The following SKA3 variants were observed in gnomAD, a reference collection of about 807,000 sequenced individuals.
The protein encoded by SKA3 is spindle and kinetochore-associated protein 3.
A neutral mutation model predicts 44.2 loss-of-function variants in SKA3; 39 were observed. The observed-to-expected ratio is 0.88, with a 90% confidence interval of 0.68 to 1.15. SKA3 has a LOEUF of 1.15. Ranked by LOEUF, SKA3 falls within the 50% of genes most tolerant of loss-of-function variation. The probability of loss-of-function intolerance (pLI) is 0.00; values close to 1 mark genes in which losing one functional copy is unlikely to be tolerated. For missense variants in SKA3, 511 were observed against 485.8 expected, an observed-to-expected ratio of 1.05 and a Z score of -0.49; for synonymous variants, 192 against 172.0, an observed-to-expected ratio of 1.12 and a Z score of -0.91.
intron 1 of SKA3, among the ~76,000 whole-genome samples, chr13:21,174,541 T>C (rs1342441751): frequency 6.6e-6 from 1 of 150,386 alleles, no homozygotes; most frequent in Non-Finnish European, 1.5e-5. Context: ...TGAGAACACT[T>C]GGACACAGGA....
At chr13:21,169,180 T>C (rs1318625324) in intron 3 of SKA3, among the ~76,000 whole-genome samples, 1 of 151,848 alleles carries the variant, frequency 6.6e-6, no homozygotes, top group Non-Finnish European at 1.5e-5. Context: ...GAACAACTGT[T>C]CTGAGAAAAG....
At chr13:21,172,837 GTACCTTTTTT>G in intron 1 of SKA3, 156 bp from the exon 2 acceptor site, 1 of 334,334 alleles carries the variant, frequency 3.0e-6, no homozygotes. Flanking sequence ...ATTTTTTACC[GTACCTTTTTT>G]ATGTTTAGAT....
intron 5 of SKA3, among the ~76,000 whole-genome samples, chr13:21,161,293 A>G (rs1220372247): frequency 2.0e-5 from 3 of 152,100 alleles, no homozygotes; most frequent in East Asian, 3.9e-4. Context: ...CAAAAAAATC[A>G]TAAAACTCTA....
intron 4 of SKA3, among the ~76,000 whole-genome samples, chr13:21,162,353 A>G (rs535518325): frequency 6.7e-6 from 1 of 148,512 alleles, no homozygotes; most frequent in Admixed American, 6.8e-5. Context: ...GCTGTCTTTA[A>G]CATCTTGTGT....
intron 7 of SKA3, among the ~76,000 whole-genome samples, chr13:21,156,232 G>A (rs1870115720): frequency 6.6e-6 from 1 of 150,438 alleles, no homozygotes; most frequent in Admixed American, 6.6e-5. Flanking sequence ...AAAAGATGGA[G>A]ATATTAGAAA....
chr13:21,170,017 G>A (rs1238111225), intron 3 of SKA3, among the ~76,000 whole-genome samples: 1 of 152,114 alleles, frequency 6.6e-6, no homozygotes, highest in Non-Finnish European at 1.5e-5. Context: ...TATTATTTTA[G>A]ATTCGTAACT....
At chr13:21,158,920 T>C (rs1035928534) in intron 6 of SKA3, among the ~76,000 whole-genome samples, 7 of 152,260 alleles carry the variant, frequency 4.6e-5, no homozygotes, top group Middle Eastern at 3.4e-3. Context: ...GTAGGGTACC[T>C]TCCACGTGAA....
chr13:21,167,763 T>C (rs1870791672), intron 4 of SKA3, among the ~76,000 whole-genome samples: 1 of 142,928 alleles, frequency 7.0e-6, no homozygotes, highest in Admixed American at 7.1e-5. Context: ...CAAGCCTCCG[T>C]CTCGAAAAAA....
At position 21,164,289 on chromosome 13, in the gene SKA3, T is replaced by C. The variant is rs1190269362; in HGVS notation, c.744-2414A>G. ...GATTAAATCTATCCATATTCTTTAG[T>C]ATGATTTCTAGCTTTGATGTCATGC... On this transcript the variant is annotated intron_variant, in intron 4 of 8. Coordinates refer to ENST00000314759, the MANE Select transcript of SKA3 (RefSeq NM_145061.6). 3.3e-5 allele frequency among the ~76,000 whole-genome samples: 5 copies of C among 152,238 alleles called. No individual in the cohort carries two copies. The East Asian group carries it at 7.7e-4, about 23-fold the overall frequency.
Position 21,154,884 on chromosome 13 carries a change from TTGA to T in SKA3, c.*263_*265del, listed in dbSNP as rs1222550640. 3.5e-6 allele frequency: 2 copies of T among 574,868 alleles called. No individual in the cohort carries two copies. The highest frequency in any genetic ancestry group is 3.4e-5 in the Admixed American group (1 of 29,806). 35.6% of individuals were successfully genotyped at this position (574,868 alleles called of 1,614,324 possible). On this transcript the variant is annotated 3_prime_UTR_variant, in exon 9 of 9. Transcript: ENST00000314759. ...TCCTGGTACTACTTAAACCATTCTG[TTGA>T]TTAAGCTGGGTAATTTAGTATCAAT...
intron 1 of SKA3, among the ~76,000 whole-genome samples, chr13:21,174,620 T>C (rs142091713): frequency 3.6e-4 from 55 of 152,166 alleles, no homozygotes; most frequent in Middle Eastern, 3.4e-3. Context: ...TTAGGAGATA[T>C]ACCTAATGTA....
At chr13:21,165,285 G>C (rs1870646186) in intron 4 of SKA3, among the ~76,000 whole-genome samples, 1 of 151,752 alleles carries the variant, frequency 6.6e-6, no homozygotes. Flanking sequence ...CAGGCATGGT[G>C]GTCCACACCT....
chr13:21,172,893 A>G lies in SKA3; in HGVS notation c.104-212T>C, dbSNP rs141538366. On this transcript the variant is annotated intron_variant, in intron 1 of 8. Coordinates refer to ENST00000314759, the MANE Select transcript of SKA3 (RefSeq NM_145061.6). ...TTACCATAATGTTACAGTTGCTTAC[A>G]GTATTCAATGCAGTCGCATGCTATA... Among the ~76,000 whole-genome samples the G allele has an allele frequency of 2.0e-5, 3 of 152,334 alleles. 1 individual carries two copies. The highest frequency in any genetic ancestry group is 4.4e-5 in the Non-Finnish European group (3 of 68,036).
In SKA3 at chr13:21,155,132, G is replaced by T. The variant is rs1595294735; in HGVS notation, c.*18C>A. 6.2e-7 allele frequency: 1 copy of T among 1,612,504 alleles called. No individual in the cohort carries two copies. On this transcript the variant is annotated 3_prime_UTR_variant, in exon 9 of 9. Transcript: ENST00000314759. ...CTCATTTTGTTCAGTTTCTGTGTTG[G>T]ATAGATCCACTGGAATTTCTGCAAC... is the stretch of plus-strand genomic sequence containing the variant.
At position 21,155,813 on chromosome 13, in the gene SKA3, TA is replaced by T. The variant is rs11446085; in HGVS notation, c.1120-3del. ...GTTTGAGTTGTATTTTGATAAAAGC[TA>T]AAAAAAAAAAAGGAAATTCCTTTTT... On this transcript the variant is annotated splice_polypyrimidine_tract_variant and splice_region_variant and intron_variant, in intron 7 of 8. Coordinates refer to ENST00000314759, the MANE Select transcript of SKA3 (RefSeq NM_145061.6). 87,578 of 1,111,010 alleles carry T rather than the reference TA, an allele frequency of 0.079. 1,130 individuals are homozygous for T. The highest frequency in any genetic ancestry group is 0.1 in the Middle Eastern group (441 of 4,334). The allele number at this position is 1,111,010 out of a possible 1,614,324, so 68.8% of individuals were successfully genotyped here.
intron 3 of SKA3, 58 bp from the exon 4 acceptor site, chr13:21,168,457 CA>C: frequency 7.9e-7 from 1 of 1,271,768 alleles, no homozygotes; most frequent in Admixed American, 2.9e-5. Context: ...TTCACGTTTA[CA>C]AAAACAACAG....
chr13:21,172,397 CATA>C lies in SKA3; in HGVS notation c.270_272del (p.Ile90del). 1 of 1,587,970 alleles carries C rather than the reference CATA, an allele frequency of 6.3e-7. No individual in the cohort carries two copies. The highest frequency in any genetic ancestry group is 8.5e-7 in the Non-Finnish European group (1 of 1,171,440). Reference sequence around the variant, plus strand: ...ACTTCTGGAAATACTCTCTTATTTTCATAATATCCATTGAATTTTTTTCCATTA... The same window carrying C: ...ACTTCTGGAAATACTCTCTTATTTTCATATCCATTGAATTTTTTTCCATTA... On this transcript the variant is annotated inframe_deletion, in exon 3 of 9. Transcript: ENST00000314759.
intron 4 of SKA3, among the ~76,000 whole-genome samples, chr13:21,162,643 C>G (rs1226421632): frequency 6.6e-6 from 1 of 152,110 alleles, no homozygotes; most frequent in Non-Finnish European, 1.5e-5. Context: ...GCTGGGATTA[C>G]AGGTGTGGAT....
chr13:21,173,680 G>T (rs909854666), intron 1 of SKA3, among the ~76,000 whole-genome samples: 1 of 152,096 alleles, frequency 6.6e-6, no homozygotes. Flanking sequence ...ATTCTTCCAC[G>T]TTCGTAATCT....
Sources: allele counts gnomAD v4.1 joint callset (sites outside exome capture counted in the v4.1 genomes callset), GRCh38; gene constraint gnomAD v4.1.1; transcripts MANE v1.5; gene names NCBI Gene and HGNC (gene_info 2026-07-23, HGNC 2026-07-21).